Variants in CIMIP7 observed in about 807,000 individuals in gnomAD.
CIMIP7 encodes ciliary microtubule inner protein 7.
the CIMIP7 span, among the ~76,000 whole-genome samples, chr3:49,183,874 A>G: frequency 6.6e-6 from 1 of 152,274 alleles, no homozygotes; most frequent in Non-Finnish European, 1.5e-5. Flanking sequence ...CATTGGTACC[A>G]AGGAAATACT....
the CIMIP7 span, chr3:49,177,771 T>C: frequency 1.2e-6 from 2 of 1,610,728 alleles, no homozygotes; most frequent in Non-Finnish European, 1.7e-6. Flanking sequence ...CCTGGGGCCC[T>C]ACCTTGTAGC....
chr3:49,177,791 G>A, the CIMIP7 span: 1 of 1,611,768 alleles, frequency 6.2e-7, no homozygotes, highest in Non-Finnish European at 8.5e-7. Flanking sequence ...CTGCCATAGT[G>A]GCCACCCTGG....
the CIMIP7 span, among the ~76,000 whole-genome samples, chr3:49,178,958 A>T: frequency 1.3e-5 from 2 of 152,246 alleles, no homozygotes; most frequent in Middle Eastern, 3.4e-3. Flanking sequence ...GAAAACTGGA[A>T]TTTCTATCTC....
At chr3:49,180,546 C>T in the CIMIP7 span, among the ~76,000 whole-genome samples, 1 of 152,200 alleles carries the variant, frequency 6.6e-6, no homozygotes, top group Non-Finnish European at 1.5e-5. Context: ...TAGGTAATGG[C>T]TGACAGCAGG....
chr3:49,187,576 A>G, the CIMIP7 span, among the ~76,000 whole-genome samples: 2 of 152,140 alleles, frequency 1.3e-5, no homozygotes, highest in Non-Finnish European at 2.9e-5. Context: ...TTTCCCAAGA[A>G]TCAGGCAGTT....
the CIMIP7 span, among the ~76,000 whole-genome samples, chr3:49,182,004 C>T: frequency 6.6e-6 from 1 of 152,134 alleles, no homozygotes; most frequent in South Asian, 2.1e-4. Context: ...GTGAGTGTTA[C>T]AGCTCTTCAG....
At chr3:49,178,585 T>G in the CIMIP7 span, 1 of 1,546,232 alleles carries the variant, frequency 6.5e-7, no homozygotes, top group Middle Eastern at 1.7e-4. Flanking sequence ...ATGATGCTTA[T>G]TTACCCACCC....
chr3:49,185,209 C>T, the CIMIP7 span, among the ~76,000 whole-genome samples: 2 of 149,600 alleles, frequency 1.3e-5, no homozygotes, highest in Non-Finnish European at 3.0e-5. Context: ...TGTGGTGAGC[C>T]GAGATCACGA....
the CIMIP7 span, chr3:49,178,021 C>T: frequency 6.2e-6 from 10 of 1,607,740 alleles, no homozygotes; most frequent in Non-Finnish European, 8.5e-6. Flanking sequence ...GTCCTTCCGC[C>T]TTCCGATTCC....
the CIMIP7 span, among the ~76,000 whole-genome samples, chr3:49,185,704 TC>T: frequency 1.1e-4 from 17 of 151,108 alleles, 1 homozygote; most frequent in Middle Eastern, 3.5e-3. Flanking sequence ...TTTTTTTTTT[TC>T]CCCGAGACGG....
the CIMIP7 span, among the ~76,000 whole-genome samples, chr3:49,189,331 G>A: frequency 4.0e-5 from 6 of 151,386 alleles, no homozygotes; most frequent in Admixed American, 1.3e-4. Context: ...GACTGGTTTC[G>A]AGCTCCTGAC....
the CIMIP7 span, chr3:49,178,164 G>C: frequency 5.5e-6 from 6 of 1,082,818 alleles, no homozygotes; most frequent in Non-Finnish European, 1.3e-6. Flanking sequence ...GGCTGTCTTG[G>C]CCTGTACCCT....
At chr3:49,178,021 C>A in the CIMIP7 span, 1 of 1,607,740 alleles carries the variant, frequency 6.2e-7, no homozygotes, top group Non-Finnish European at 8.5e-7. Context: ...GTCCTTCCGC[C>A]TTCCGATTCC....
the CIMIP7 span, among the ~76,000 whole-genome samples, chr3:49,187,849 A>C: frequency 4.6e-5 from 7 of 152,220 alleles, no homozygotes; most frequent in East Asian, 1.3e-3. Flanking sequence ...GTGAGATTTG[A>C]CATTTATATA....
chr3:49,185,752 T>C, the CIMIP7 span, among the ~76,000 whole-genome samples: 6 of 150,664 alleles, frequency 4.0e-5, no homozygotes, highest in Non-Finnish European at 7.4e-5. Flanking sequence ...GTACAGTGGC[T>C]CGATCTCAGC....
the CIMIP7 span, chr3:49,177,926 A>G: frequency 1.2e-6 from 2 of 1,613,830 alleles, no homozygotes; most frequent in Non-Finnish European, 1.7e-6. Flanking sequence ...GCCTGGTAAG[A>G]AGATTCCAGG....
the CIMIP7 span, among the ~76,000 whole-genome samples, chr3:49,182,260 C>T: frequency 6.6e-6 from 1 of 151,720 alleles, no homozygotes; most frequent in South Asian, 2.1e-4. Flanking sequence ...TCTGGCCCCA[C>T]CCACATCCTG....
chr3:49,182,219 C>G, the CIMIP7 span, among the ~76,000 whole-genome samples: 2 of 152,234 alleles, frequency 1.3e-5, no homozygotes, highest in Admixed American at 6.5e-5. Flanking sequence ...GTTGCCACTG[C>G]TGGCTGGGGC....
At chr3:49,191,827 CT>C in the CIMIP7 span, 7 of 1,515,916 alleles carry the variant, frequency 4.6e-6, no homozygotes, top group East Asian at 1.5e-4. Flanking sequence ...TGGAGGGTAT[CT>C]TCAGGAAAGA....
Sources: allele counts gnomAD v4.1 joint callset (sites outside exome capture counted in the v4.1 genomes callset), GRCh38; gene constraint gnomAD v4.1.1; transcripts MANE v1.5; gene names NCBI Gene and HGNC (gene_info 2026-07-23, HGNC 2026-07-21).